The following COL4A1 variants were observed in gnomAD, a reference collection of about 807,000 sequenced individuals.
COL4A1 encodes collagen type IV alpha 1 chain, also known as collagen alpha-1(IV) chain.
A neutral mutation model predicts 216.6 loss-of-function variants in COL4A1; 40 were observed. The observed-to-expected ratio is 0.18, with a 90% CI of 0.14 to 0.24. COL4A1 has a LOEUF of 0.24. Ranked by LOEUF, COL4A1 falls within the 10% of genes least tolerant of loss-of-function variation. COL4A1 has a pLI of 1.00. For missense variants in COL4A1, 1,628 were observed against 2,196.8 expected (o/e 0.74, Z 5.18); for synonymous variants, 839 against 810.7 (o/e 1.03, Z -0.59).
chr13:110,219,762 G>A (rs1285113359), intron 2 of COL4A1, among the ~76,000 whole-genome samples: 4 of 130,646 alleles, frequency 3.1e-5, no homozygotes, highest in South Asian at 4.8e-4. Flanking sequence ...GTATATATGC[G>A]TATATATGTA....
chr13:110,160,874 A>C, intron 49 of COL4A1: 1 of 368,954 alleles, frequency 2.7e-6, no homozygotes, highest in South Asian at 2.2e-5. Context: ...ACGCCCAGCT[A>C]ACTTTTGTAT....
In COL4A1 at chr13:110,182,690, G is replaced by A. The variant is rs868383421; in HGVS notation, c.2095+303C>T. On this transcript the variant is annotated intron_variant, in intron 28 of 51. Coordinates refer to ENST00000375820, the MANE Select transcript of COL4A1 (RefSeq NM_001845.6). ...CCCTGGCTGTGTTCAGGTGGACTGC[G>A]AGTCTTCCTCACGGATAAAAAGCAA... is the stretch of plus-strand genomic sequence containing the variant. 3.3e-5 allele frequency among the ~76,000 whole-genome samples: 5 copies of A among 152,338 alleles called. No homozygotes were observed. In the South Asian group the frequency reaches 6.2e-4, roughly 19 times the overall value.
chr13:110,267,237 G>A (rs1883075562), intron 1 of COL4A1, among the ~76,000 whole-genome samples: 1 of 152,200 alleles, frequency 6.6e-6, no homozygotes, highest in Admixed American at 6.5e-5. Flanking sequence ...ACTATCTGGT[G>A]TCCAGGGAGC....
Position 110,160,168 on chromosome 13 carries a change from C to T in COL4A1, c.4640+1024G>A, listed in dbSNP as rs918391430. 2.1e-4 allele frequency among the ~76,000 whole-genome samples: 25 copies of T among 119,416 alleles called. 2 individuals carry two copies. Among genetic ancestry groups the T allele is most frequent in the Admixed American group, 3.4e-4 (4 of 11,644 alleles). 78.3% of individuals were successfully genotyped at this position (119,416 alleles called of 152,430 possible). On this transcript the variant is annotated intron_variant, in intron 49 of 51. Transcript: ENST00000375820. ...TTAAAAAAATTCATAGGGGGCCGGGCGCGGTGGCTCACGCCTGTAATCCCA... is the reference window on the plus strand; with the variant it reads ...TTAAAAAAATTCATAGGGGGCCGGGTGCGGTGGCTCACGCCTGTAATCCCA...
At chr13:110,305,750 G>T (rs1884670387) in intron 1 of COL4A1, 1 of 152,224 alleles carries the variant, frequency 6.6e-6, no homozygotes, top group Non-Finnish European at 1.5e-5. Context: ...GCTGCCTCCA[G>T]GGAGATAAGC....
At chr13:110,192,060 C>T (rs1040924492) in intron 24 of COL4A1, among the ~76,000 whole-genome samples, 154 bp downstream of exon 24, 6 of 152,208 alleles carry the variant, frequency 3.9e-5, no homozygotes, top group Admixed American at 1.3e-4. Flanking sequence ...AGACAAGGGC[C>T]GCATGGAGTC....
chr13:110,155,459 C>T (rs1876741748), intron 49 of COL4A1, 62 bp from the exon 50 acceptor site: 2 of 1,071,914 alleles, frequency 1.9e-6, no homozygotes, highest in East Asian at 4.9e-5. Flanking sequence ...GCCCTCCATG[C>T]ACTGCCCCGT....
chr13:110,253,678 T>C (rs1453596398), intron 1 of COL4A1, among the ~76,000 whole-genome samples: 2 of 135,064 alleles, frequency 1.5e-5, no homozygotes, highest in African/African-American at 2.7e-5. Flanking sequence ...TGTATGTATG[T>C]ATTACATATA....
intron 2 of COL4A1, among the ~76,000 whole-genome samples, chr13:110,219,828 GTATGTATGTA>G (rs1880341938): frequency 1.4e-5 from 1 of 69,656 alleles, no homozygotes; most frequent in African/African-American, 4.9e-5. Context: ...GTATATATAT[GTATGTATGTA>G]TATATGTGTA....
At chr13:110,220,865 G>T (rs967531196) in intron 2 of COL4A1, among the ~76,000 whole-genome samples, 1 of 152,162 alleles carries the variant, frequency 6.6e-6, no homozygotes, top group Admixed American at 6.5e-5. Context: ...GCCTTCCTCC[G>T]TATGGCCAAG....
intron 21 of COL4A1, among the ~76,000 whole-genome samples, chr13:110,195,841 C>T (rs1878861216): frequency 1.3e-5 from 2 of 152,300 alleles, no homozygotes; most frequent in Non-Finnish European, 2.9e-5. Context: ...CAGGCATAAC[C>T]CTAACACTCA....
chr13:110,296,240 T>C (rs1292417394), intron 1 of COL4A1, among the ~76,000 whole-genome samples: 3 of 152,214 alleles, frequency 2.0e-5, no homozygotes, highest in Non-Finnish European at 4.4e-5. Flanking sequence ...CTTTTGTTCA[T>C]CTCATAATTG....
At chr13:110,219,894 A>ATATATATGTATATATATGTGTGTG (rs1880372631) in intron 2 of COL4A1, among the ~76,000 whole-genome samples, 1 of 135,586 alleles carries the variant, frequency 7.4e-6, no homozygotes, top group Non-Finnish European at 1.5e-5. Context: ...ATATGTGTGT[A>ATATATATGTATATATATGTGTGTG]TATATATGTA....
At chr13:110,293,792 C>G (rs1256110986) in intron 1 of COL4A1, among the ~76,000 whole-genome samples, 1 of 152,200 alleles carries the variant, frequency 6.6e-6, no homozygotes, top group Non-Finnish European at 1.5e-5. Context: ...CCCTTATTAA[C>G]AGCGTGTCAC....
At chr13:110,238,156 T>G (rs1881407570) in intron 2 of COL4A1, among the ~76,000 whole-genome samples, 1 of 152,216 alleles carries the variant, frequency 6.6e-6, no homozygotes, top group Non-Finnish European at 1.5e-5. Context: ...AACAGGATAA[T>G]GTGCTGCTTC....
chr13:110,205,459 G>A, intron 16 of COL4A1, 35 bp downstream of exon 16: 14 of 1,606,742 alleles, frequency 8.7e-6, no homozygotes, highest in Non-Finnish European at 1.1e-5. Flanking sequence ...TAGGAACAGT[G>A]AGCCTGCTTG....
chr13:110,263,449 T>C (rs1196326438), intron 1 of COL4A1, among the ~76,000 whole-genome samples: 1 of 152,026 alleles, frequency 6.6e-6, no homozygotes, highest in Non-Finnish European at 1.5e-5. Flanking sequence ...CGTATTATTC[T>C]TATTATTATT....
chr13:110,269,020 T>C (rs967751424), intron 1 of COL4A1, among the ~76,000 whole-genome samples: 1 of 152,224 alleles, frequency 6.6e-6, no homozygotes, highest in Non-Finnish European at 1.5e-5. Flanking sequence ...CACGGAGAAC[T>C]GATCCAGGCT....
chr13:110,221,922 C>T (rs924339216), intron 2 of COL4A1, among the ~76,000 whole-genome samples: 3 of 152,246 alleles, frequency 2.0e-5, no homozygotes, highest in African/African-American at 2.4e-5. Flanking sequence ...TCAGGCAGCG[C>T]GTCTGTCATC....
Sources: gnomAD v4.1 joint callset for allele counts (sites outside exome capture counted in the v4.1 genomes callset) on GRCh38, gnomAD v4.1.1 for gene constraint, MANE v1.5 for transcripts, NCBI Gene and HGNC (gene_info 2026-07-23, HGNC 2026-07-21) for gene names.